ANGPT2: variants seen among roughly 807,000 people sequenced by gnomAD.
ANGPT2 encodes angiopoietin 2, also known as angiopoietin-2.
A neutral mutation model predicts 62.9 loss-of-function variants in ANGPT2; 28 were observed. The observed-to-expected ratio is 0.44, with a 90% CI of 0.33 to 0.61. The LOEUF is 0.61. ANGPT2 is among the 20% of genes least tolerant of loss of function. The pLI is 0.03. For missense variants in ANGPT2, 727 were observed against 594.9 expected, an observed-to-expected ratio of 1.22 and a Z score of -2.31; for synonymous variants, 284 against 207.8, an observed-to-expected ratio of 1.37 and a Z score of -3.15.
intron 1 of ANGPT2, among the ~76,000 whole-genome samples, chr8:6,543,675 A>AG (rs2129574204): frequency 6.6e-6 from 1 of 152,302 alleles, no homozygotes; most frequent in African/African-American, 2.4e-5. Context: ...TAACCGCTGA[A>AG]GTTCGTGCTT....
intron 1 of ANGPT2, among the ~76,000 whole-genome samples, chr8:6,547,042 C>T (rs561145004): frequency 5.9e-5 from 9 of 152,176 alleles, no homozygotes; most frequent in African/African-American, 1.7e-4. Flanking sequence ...GCAACATGCA[C>T]GTGTTCCGTG....
chr8:6,540,610 A>G (rs891977837), intron 1 of ANGPT2, among the ~76,000 whole-genome samples: 6 of 152,230 alleles, frequency 3.9e-5, no homozygotes, highest in Non-Finnish European at 8.8e-5. Flanking sequence ...GTCTGCATAT[A>G]TAGATATATA....
At chr8:6,521,120 G>A in intron 4 of ANGPT2, 58 bp downstream of exon 4, 1 of 1,401,634 alleles carries the variant, frequency 7.1e-7, no homozygotes, top group Non-Finnish European at 9.8e-7. Context: ...TTAGTCTTTT[G>A]AGTGTTTTAC....
At chr8:6,533,207 G>A (rs1333577955) in intron 1 of ANGPT2, among the ~76,000 whole-genome samples, 1 of 152,182 alleles carries the variant, frequency 6.6e-6, no homozygotes, top group African/African-American at 2.4e-5. Context: ...CTCTCCCTCA[G>A]TTACTAAAGA....
At chr8:6,540,626 C>T (rs1397556870) in intron 1 of ANGPT2, among the ~76,000 whole-genome samples, 1 of 152,226 alleles carries the variant, frequency 6.6e-6, no homozygotes, top group Non-Finnish European at 1.5e-5. Flanking sequence ...ATATACACAG[C>T]AAGAATAGTT....
At chr8:6,543,421 C>G (rs1821962589) in intron 1 of ANGPT2, among the ~76,000 whole-genome samples, 1 of 152,170 alleles carries the variant, frequency 6.6e-6, no homozygotes, top group Non-Finnish European at 1.5e-5. Flanking sequence ...TAAATGGATG[C>G]AAACACACAT....
chr8:6,526,147 C>T (rs777408160), intron 3 of ANGPT2, among the ~76,000 whole-genome samples: 9 of 150,684 alleles, frequency 6.0e-5, no homozygotes, highest in Non-Finnish European at 1.0e-4. Context: ...ACGCCAGGTA[C>T]GGTGGCTCAT....
At chr8:6,546,258 A>T (rs1478186914) in intron 1 of ANGPT2, among the ~76,000 whole-genome samples, 1 of 152,226 alleles carries the variant, frequency 6.6e-6, no homozygotes, top group African/African-American at 2.4e-5. Context: ...TGAATATTCA[A>T]GGGCAACCCA....
At chr8:6,544,870 C>T (rs1822270845) in intron 1 of ANGPT2, among the ~76,000 whole-genome samples, 1 of 152,154 alleles carries the variant, frequency 6.6e-6, no homozygotes, top group South Asian at 2.1e-4. Context: ...TATGTCATTT[C>T]AGATTGAACC....
intron 1 of ANGPT2, among the ~76,000 whole-genome samples, chr8:6,562,260 C>T (rs565490127): frequency 6.6e-6 from 1 of 152,306 alleles, no homozygotes; most frequent in African/African-American, 2.4e-5. Context: ...ACAGCCTTCC[C>T]TCACTTGCCT....
At chr8:6,530,340 T>C (rs1007260845) in intron 2 of ANGPT2, among the ~76,000 whole-genome samples, 1 of 152,016 alleles carries the variant, frequency 6.6e-6, no homozygotes. Flanking sequence ...AAACCCTGTC[T>C]CTACTAAAAA....
Position 6,530,508 on chromosome 8 carries a change from CAAAAAAA to C in ANGPT2, c.444+1817_444+1823del, listed in dbSNP as rs55729820. Among the ~76,000 whole-genome samples the C allele has an allele frequency of 4.2e-4, 41 of 98,034 alleles. 1 individual carries two copies. The highest frequency in any genetic ancestry group is 7.0e-3 in the Middle Eastern group (1 of 142). The allele number at this position is 98,034 out of a possible 152,430, so 64.3% of individuals were successfully genotyped here. A position where few individuals can be genotyped will look rare whatever the true frequency, so the allele number is the denominator to read the frequency against. ...TGGGCAATGCAGTGAGACTCTGTCT[CAAAAAAA>C]AAAAAAAAAAAAAAAAGTAATGGCA... On this transcript the variant is annotated intron_variant, in intron 2 of 8. Transcript: ENST00000629816.
intron 1 of ANGPT2, among the ~76,000 whole-genome samples, chr8:6,540,608 A>G (rs1821368152): frequency 6.6e-6 from 1 of 152,244 alleles, no homozygotes; most frequent in South Asian, 2.1e-4. Flanking sequence ...ACGTCTGCAT[A>G]TATAGATATA....
At chr8:6,521,877 A>G (rs1817405605) in intron 3 of ANGPT2, among the ~76,000 whole-genome samples, 1 of 152,208 alleles carries the variant, frequency 6.6e-6, no homozygotes, top group Non-Finnish European at 1.5e-5. Context: ...AATAGCACTT[A>G]ATGCTATGTG....
chr8:6,562,128 G>C (rs1187731451), intron 1 of ANGPT2, among the ~76,000 whole-genome samples: 1 of 152,196 alleles, frequency 6.6e-6, no homozygotes, highest in African/African-American at 2.4e-5. Flanking sequence ...CGTTTACCAA[G>C]AGTCACAACC....
At position 6,501,179 on chromosome 8, in the gene ANGPT2, T is replaced by C. The variant is rs1812106606; in HGVS notation, c.*1922A>G. The C allele has an allele frequency of 6.6e-6, 1 of 152,226 alleles. No homozygotes were observed. The highest frequency in any genetic ancestry group is 6.5e-5 in the Admixed American group (1 of 15,282). 9.4% of individuals were successfully genotyped at this position (152,226 alleles called of 1,614,324 possible). On this transcript the variant is annotated 3_prime_UTR_variant, in exon 9 of 9. Transcript: ENST00000629816. ...CCTTGGTGGAAATAAAACAGAGCCT[T>C]GACTTTGCCAGAGTCCATCATTGAC...
At chr8:6,525,139 C>G (rs1196995039) in intron 3 of ANGPT2, among the ~76,000 whole-genome samples, 1 of 152,192 alleles carries the variant, frequency 6.6e-6, no homozygotes, top group East Asian at 1.9e-4. Context: ...TATTAACCAG[C>G]CAAGGAACTG....
intron 1 of ANGPT2, among the ~76,000 whole-genome samples, chr8:6,534,431 C>T (rs189836799): frequency 1.6e-4 from 25 of 152,130 alleles, no homozygotes; most frequent in Non-Finnish European, 2.8e-4. Flanking sequence ...GAATCAGTCC[C>T]CCACAGACAT....
chr8:6,548,236 T>C (rs1236142070), intron 1 of ANGPT2, among the ~76,000 whole-genome samples: 1 of 152,166 alleles, frequency 6.6e-6, no homozygotes, highest in Non-Finnish European at 1.5e-5. Flanking sequence ...GTGAAGGCTT[T>C]GTCCAAAATG....
Sources: gnomAD v4.1 joint callset for allele counts (sites outside exome capture counted in the v4.1 genomes callset) on GRCh38, gnomAD v4.1.1 for gene constraint, MANE v1.5 for transcripts, NCBI Gene and HGNC (gene_info 2026-07-23, HGNC 2026-07-21) for gene names.